The following RFX3 variants were observed in gnomAD, a reference collection of about 807,000 sequenced individuals.
The protein encoded by RFX3 is regulatory factor X3, also known as transcription factor RFX3.
Under a neutral mutation model 98.6 loss-of-function variants are expected in RFX3, and 14 were observed. That is an observed-to-expected ratio of 0.14 (90% CI 0.09 to 0.22). The LOEUF is 0.22. Among genes scored for constraint, RFX3 ranks in the 10% least tolerant of loss-of-function variants. The pLI is 1.00. For synonymous variants in RFX3, 383 were observed against 328.4 expected (o/e 1.17, Z -1.80); for missense variants, 639 against 926.9 (o/e 0.69, Z 4.03).
chr9:3,296,147 T>C (rs1827957633), intron 5 of RFX3, among the ~76,000 whole-genome samples: 1 of 151,932 alleles, frequency 6.6e-6, no homozygotes, highest in Non-Finnish European at 1.5e-5. Flanking sequence ...AAATTACCTT[T>C]TATAAAAGTA....
intron 2 of RFX3, among the ~76,000 whole-genome samples, chr9:3,393,996 A>C (rs776460520): frequency 3.3e-5 from 5 of 152,216 alleles, no homozygotes; most frequent in African/African-American, 4.8e-5. Context: ...AAAAGAGAGA[A>C]TATGCTTAAA....
intron 1 of RFX3, among the ~76,000 whole-genome samples, chr9:3,443,317 G>A (rs1243063189): frequency 6.6e-6 from 1 of 152,118 alleles, no homozygotes; most frequent in African/African-American, 2.4e-5. Flanking sequence ...ATTAAGCCCA[G>A]CATCCATTAG....
chr9:3,248,691 T>C (rs1360334078), intron 14 of RFX3, among the ~76,000 whole-genome samples: 1 of 151,956 alleles, frequency 6.6e-6, no homozygotes, highest in Non-Finnish European at 1.5e-5. Flanking sequence ...CAATACAGAG[T>C]ATAGGCAAGT....
intron 15 of RFX3, among the ~76,000 whole-genome samples, chr9:3,235,151 T>A (rs551002828): frequency 1.2e-4 from 18 of 152,158 alleles, no homozygotes; most frequent in Non-Finnish European, 2.6e-4. Context: ...TAGGGAAAAG[T>A]TTACATGTGT....
chr9:3,394,926 C>G (rs1840701919), intron 2 of RFX3: 2 of 686,076 alleles, frequency 2.9e-6, no homozygotes, highest in South Asian at 6.5e-5. Flanking sequence ...TGAATTCACT[C>G]CCAACTTTTT....
At chr9:3,370,132 C>G (rs935659291) in intron 2 of RFX3, among the ~76,000 whole-genome samples, 2 of 150,588 alleles carry the variant, frequency 1.3e-5, no homozygotes, top group Admixed American at 1.3e-4. Flanking sequence ...TGAGCCACCA[C>G]GCCCAGCCCA....
At chr9:3,486,851 A>G (rs1275451820) in intron 1 of RFX3, among the ~76,000 whole-genome samples, 1 of 152,194 alleles carries the variant, frequency 6.6e-6, no homozygotes, top group Non-Finnish European at 1.5e-5. Context: ...CTATGTGCAC[A>G]TAAGTAATTT....
chr9:3,439,085 G>C (rs1276623731), intron 1 of RFX3, among the ~76,000 whole-genome samples: 1 of 151,480 alleles, frequency 6.6e-6, no homozygotes, highest in Admixed American at 6.6e-5. Context: ...AAGGGTCAAA[G>C]AAGAAACAAA....
rs542984899 is a variant in RFX3 at position 3,244,169 on chromosome 9, A to C, written c.1968+3863T>G. ...AGGCACATGCCACCACGCCCGCCTA[A>C]TTTTTTTTGTATTTTTAGTAGAGAC... is the stretch of plus-strand genomic sequence containing the variant. On this transcript the variant is annotated intron_variant, in intron 15 of 16. Transcript: ENST00000617270. 5.3e-5 allele frequency among the ~76,000 whole-genome samples: 8 copies of C among 150,828 alleles called. No individual in the cohort carries two copies. In the South Asian group the frequency reaches 1.7e-3, roughly 32 times the overall value.
At chr9:3,367,596 T>A (rs79605861) in intron 2 of RFX3, among the ~76,000 whole-genome samples, 1 of 151,968 alleles carries the variant, frequency 6.6e-6, no homozygotes, top group African/African-American at 2.4e-5. Flanking sequence ...CCAGACAGAG[T>A]CCAAAGGAAT....
intron 1 of RFX3, among the ~76,000 whole-genome samples, chr9:3,508,992 G>A (rs1453848355): frequency 6.6e-6 from 1 of 151,596 alleles, no homozygotes. Flanking sequence ...GAGAGACACA[G>A]AGAGGAGAGA....
chr9:3,509,392 A>G (rs1222261834), intron 1 of RFX3, among the ~76,000 whole-genome samples: 1 of 152,030 alleles, frequency 6.6e-6, no homozygotes, highest in Non-Finnish European at 1.5e-5. Flanking sequence ...AAGCACCTTT[A>G]CCCTCATCAA....
chr9:3,371,606 TG>T (rs1263971315), intron 2 of RFX3, among the ~76,000 whole-genome samples: 2 of 152,152 alleles, frequency 1.3e-5, no homozygotes, highest in Non-Finnish European at 2.9e-5. Context: ...TGTATTATCC[TG>T]AAAAAGCAGC....
intron 1 of RFX3, among the ~76,000 whole-genome samples, chr9:3,461,924 C>A (rs1050631231): frequency 6.6e-6 from 1 of 151,930 alleles, no homozygotes; most frequent in Admixed American, 6.6e-5. Context: ...AGGGAGAACA[C>A]ACCCTTTAAT....
chr9:3,338,827 C>A (rs1225221840), intron 3 of RFX3, among the ~76,000 whole-genome samples: 1 of 152,140 alleles, frequency 6.6e-6, no homozygotes, highest in Non-Finnish European at 1.5e-5. Flanking sequence ...CGGTGGCTCA[C>A]GCCTGTAATC....
intron 5 of RFX3, among the ~76,000 whole-genome samples, chr9:3,299,981 C>T: frequency 6.6e-6 from 1 of 150,622 alleles, no homozygotes; most frequent in East Asian, 1.9e-4. Context: ...AGTCTGAAAG[C>T]TGAAACAGGT....
intron 2 of RFX3, among the ~76,000 whole-genome samples, chr9:3,357,096 C>T (rs1835867794): frequency 6.6e-6 from 1 of 151,814 alleles, no homozygotes; most frequent in Admixed American, 6.6e-5. Flanking sequence ...ATCTTTGGCA[C>T]TTTCAAAAAT....
At chr9:3,321,668 G>C (rs1377377795) in intron 4 of RFX3, among the ~76,000 whole-genome samples, 30 of 152,024 alleles carry the variant, frequency 2.0e-4, no homozygotes, top group Admixed American at 2.0e-3. Flanking sequence ...TTTGTTTATT[G>C]TGGTTTTCTC....
intron 1 of RFX3, among the ~76,000 whole-genome samples, chr9:3,467,663 A>C (rs1044653569): frequency 4.6e-5 from 7 of 152,130 alleles, no homozygotes; most frequent in Non-Finnish European, 1.0e-4. Flanking sequence ...TCTTCAAAAG[A>C]GGACAACAAA....
Sources: gnomAD v4.1 joint callset for allele counts (sites outside exome capture counted in the v4.1 genomes callset) on GRCh38, gnomAD v4.1.1 for gene constraint, MANE v1.5 for transcripts, NCBI Gene and HGNC (gene_info 2026-07-23, HGNC 2026-07-21) for gene names.